NANOG: variants seen among roughly 807,000 people sequenced by gnomAD.
NANOG encodes Nanog homeobox, also known as homeobox protein NANOG.
Under a neutral mutation model 17.7 loss-of-function variants are expected in NANOG, and 2 were observed. The observed-to-expected ratio is 0.11, with a 90% confidence interval of 0.05 to 0.36. The LOEUF (loss-of-function observed/expected upper bound fraction) is 0.36, where lower values mean the gene tolerates loss of function less well. Among genes scored for constraint, NANOG ranks in the 10% least tolerant of loss-of-function variants. The probability of loss-of-function intolerance (pLI) is 1.00; values close to 1 mark genes in which losing one functional copy is unlikely to be tolerated. For missense variants in NANOG, 174 were observed against 362.1 expected (o/e 0.48, Z 4.22); for synonymous variants, 81 against 124.7 (o/e 0.65, Z 2.33).
rs1180025782 is a variant in NANOG at position 7,796,158 on chromosome 12, G to A, written c.*1063G>A. The A allele has an allele frequency of 6.6e-6, 1 of 152,206 alleles. No homozygotes were observed. Among genetic ancestry groups the A allele is most frequent in the Non-Finnish European group, 1.5e-5 (1 of 68,054 alleles). 9.4% of individuals were successfully genotyped at this position (152,206 alleles called of 1,614,324 possible). A position where few individuals can be genotyped will look rare whatever the true frequency, so the allele number is the denominator to read the frequency against. On this transcript the variant is annotated 3_prime_UTR_variant, in exon 4 of 4. Coordinates refer to ENST00000229307, the MANE Select transcript of NANOG (RefSeq NM_024865.4). The stretch of plus-strand genomic sequence containing the variant: ...GAAATAGCTGAGCGTGGTGGCCTAT[G>A]CCTGTAGTCCCAGCTATTTGGGAGG...
chr12:7,792,105 C>A (rs1169962291), intron 1 of NANOG, among the ~76,000 whole-genome samples: 1 of 152,086 alleles, frequency 6.6e-6, no homozygotes, highest in Non-Finnish European at 1.5e-5. Flanking sequence ...CATGTTGGCA[C>A]GCTGGTTTTG....
Position 7,792,965 on chromosome 12 carries a change from C to A in NANOG, c.167C>A (p.Ser56Tyr). 1.2e-6 allele frequency: 2 copies of A among 1,605,730 alleles called. No homozygotes were observed. Among genetic ancestry groups the A allele is most frequent in the Non-Finnish European group, 1.7e-6 (2 of 1,176,102 alleles). The change falls in exon 2 of 4, where the codon TCC (serine) becomes TAC (tyrosine). Residue 56 changes from serine (S) to tyrosine (Y), a missense_variant. By Grantham distance (144) the Ser-to-Tyr change is moderately radical. Around this residue, in one of 2 missense-constraint regions of NANOG, gnomAD observed 158 missense variants for 244.2 expected, o/e 0.65. Coordinates refer to ENST00000229307, the MANE Select transcript of NANOG (RefSeq NM_024865.4). ...PHTETVSPLP[S>Y]SMDLLIQDSP... ...TTCCCAACAGTCTCTCCTCTTCCTT[C>A]CTCCATGGATCTGCTTATTCAGGAC...
chr12:7,796,231 G>A lies in NANOG; in HGVS notation c.*1136G>A, dbSNP rs1222357687. On this transcript the variant is annotated 3_prime_UTR_variant, in exon 4 of 4. Coordinates refer to ENST00000229307, the MANE Select transcript of NANOG (RefSeq NM_024865.4). The stretch of plus-strand genomic sequence containing the variant: ...ACCTGGTAGGTGGAGGTTGTAGTGA[G>A]CCAATATCACACCACTGCACTCCAG... 6.6e-6 allele frequency: 1 copy of A among 152,018 alleles called. No homozygotes were observed. Among genetic ancestry groups the A allele is most frequent in the African/African-American group, 2.4e-5 (1 of 41,390 alleles). The allele number at this position is 152,018 out of a possible 1,614,324, so 9.4% of individuals were successfully genotyped here. A position where few individuals can be genotyped will look rare whatever the true frequency, so the allele number is the denominator to read the frequency against.
chr12:7,794,370 G>T, intron 2 of NANOG, 87 bp from the exon 3 acceptor site: 1 of 1,256,286 alleles, frequency 8.0e-7, no homozygotes, highest in East Asian at 2.5e-5. Flanking sequence ...ATGGCACCTG[G>T]CCAGGAATAA....
At chr12:7,791,029 A>G (rs1862833600) in intron 1 of NANOG, among the ~76,000 whole-genome samples, 1 of 151,554 alleles carries the variant, frequency 6.6e-6, no homozygotes, top group African/African-American at 2.4e-5. Context: ...ACAGGCGCTG[A>G]CCCACTCTGC....
chr12:7,791,909 A>AT (rs1196582507), intron 1 of NANOG, among the ~76,000 whole-genome samples: 1 of 151,812 alleles, frequency 6.6e-6, no homozygotes, highest in Non-Finnish European at 1.5e-5. Context: ...TTTGTTTTTT[A>AT]TTTTTTTGAG....
chr12:7,795,453 C>T lies in NANOG; in HGVS notation c.*358C>T, dbSNP rs1458135953. ...TCTCCTGCCTCAGCCTCCCGAGCAGCTGGGACTACAGGCGCCCGCCACCTC... is the reference window on the plus strand; with the variant it reads ...TCTCCTGCCTCAGCCTCCCGAGCAGTTGGGACTACAGGCGCCCGCCACCTC... On this transcript the variant is annotated 3_prime_UTR_variant, in exon 4 of 4. Transcript: ENST00000229307. 51 of 293,956 alleles carry T rather than the reference C, an allele frequency of 1.7e-4. No individual in the cohort carries two copies. The highest frequency in any genetic ancestry group is 1.7e-3 in the South Asian group (51 of 30,506). 18.2% of individuals were successfully genotyped at this position (293,956 alleles called of 1,614,324 possible). A position where few individuals can be genotyped will look rare whatever the true frequency, so the allele number is the denominator to read the frequency against.
At position 7,794,712 on chromosome 12, in the gene NANOG, T is replaced by C. The variant is rs1233043476; in HGVS notation, c.535T>C (p.Ser179Pro). ...AGCACCTACCTACCCCAGCCTTTACTCTTCCTACCACCAGGGATGCCTGGT... is the reference window on the plus strand; with the variant it reads ...AGCACCTACCTACCCCAGCCTTTACCCTTCCTACCACCAGGGATGCCTGGT... ...ASAPTYPSLYSSYHQGCLVNP... is the reference protein window; with the variant it reads ...ASAPTYPSLYPSYHQGCLVNP... Residue 179 changes from serine (S) to proline (P), a missense_variant, in exon 4 of 4, where the codon TCT (serine) becomes CCT (proline). Transcript: ENST00000229307. The C allele has an allele frequency of 6.3e-7, 1 of 1,594,040 alleles. No homozygotes were observed. Among genetic ancestry groups the C allele is most frequent in the East Asian group, 2.2e-5 (1 of 44,866 alleles).
chr12:7,790,886 G>T (rs971888716), intron 1 of NANOG, among the ~76,000 whole-genome samples: 3 of 152,028 alleles, frequency 2.0e-5, no homozygotes, highest in African/African-American at 7.2e-5. Flanking sequence ...AGGACAAGAG[G>T]CGTGTGTCAC....
chr12:7,794,684 C>T lies in NANOG; in HGVS notation c.507C>T (p.Ala169=), dbSNP rs1693401023. The T allele has an allele frequency of 3.1e-6, 5 of 1,610,640 alleles. No individual in the cohort carries two copies. The highest frequency in any genetic ancestry group is 2.7e-5 in the African/African-American group (2 of 74,910). Residue 169 remains alanine (A), a synonymous_variant, in exon 4 of 4, where the codon GCC becomes GCT. Coordinates refer to ENST00000229307, the MANE Select transcript of NANOG (RefSeq NM_024865.4). The part of the protein sequence containing the change: ...PKNSNGVTQK[A]SAPTYPSLYS... ...AATCCCTCCTTCTCTTTCAGAAGGCCTCAGCACCTACCTACCCCAGCCTTT... is the reference window on the plus strand; with the variant it reads ...AATCCCTCCTTCTCTTTCAGAAGGCTTCAGCACCTACCTACCCCAGCCTTT...
At position 7,789,695 on chromosome 12, in the gene NANOG, G is replaced by A. The variant is rs1272883396; in HGVS notation, c.81G>A (p.Val27=). The change falls in exon 1 of 4, where the codon GTG becomes GTA. Residue 27 remains valine, a synonymous_variant. Transcript: ENST00000229307. ...GTAAAGAATCTTCACCTATGCCTGT[G>A]ATTTGTGGGCCTGAAGAAAACTATC... ...SDCKESSPMP[V]ICGPEENYPS... 6.2e-7 allele frequency: 1 copy of A among 1,614,230 alleles called. No homozygotes were observed. Among genetic ancestry groups the A allele is most frequent in the African/African-American group, 1.3e-5 (1 of 75,058 alleles).
intron 1 of NANOG, 25 bp from the exon 2 acceptor site, chr12:7,792,925 G>C (rs1005490732): frequency 6.4e-7 from 1 of 1,560,516 alleles, no homozygotes; most frequent in Non-Finnish European, 8.6e-7. Context: ...TTAGACAAAA[G>C]TGTCCTTTTA....
chr12:7,795,663 A>G lies in NANOG; in HGVS notation c.*568A>G, dbSNP rs183561928. On this transcript the variant is annotated 3_prime_UTR_variant, in exon 4 of 4. Transcript: ENST00000229307. ...ATAACCTTGGCTGCCGTCTCTGGCT[A>G]TAGATAAGTAGATCTAATACTAGTT... 315 of 125,838 alleles carry G rather than the reference A, an allele frequency of 2.5e-3. 8 individuals carry two copies. Among genetic ancestry groups the G allele is most frequent in the African/African-American group, 7.9e-3 (295 of 37,570 alleles). The allele number at this position is 125,838 out of a possible 1,614,324, so 7.8% of individuals were successfully genotyped here.
intron 2 of NANOG, among the ~76,000 whole-genome samples, chr12:7,794,161 C>T (rs1290107740): frequency 6.6e-6 from 1 of 152,204 alleles, no homozygotes; most frequent in Non-Finnish European, 1.5e-5. Flanking sequence ...GCAGCCTTCA[C>T]TTCCCAGGTG....
rs2120575101 is a variant in NANOG at position 7,794,988 on chromosome 12, G to A, written c.811G>A (p.Gly271Arg). The change falls in exon 4 of 4, where the codon GGG (glycine) becomes AGG (arginine). Residue 271 changes from glycine (G) to arginine (R), a missense_variant. This residue lies in a region of NANOG where 16 missense variants were observed against 117.9 expected (regional missense o/e 0.14). Transcript: ENST00000229307. ...SDLEAALEAAGEGLNVIQQTT... is the reference protein window; with the variant it reads ...SDLEAALEAAREGLNVIQQTT... Reference sequence around the variant, plus strand: ...CTTGGAGGCTGCCTTGGAAGCTGCTGGGGAAGGCCTTAATGTAATACAGCA... The same window carrying A: ...CTTGGAGGCTGCCTTGGAAGCTGCTAGGGAAGGCCTTAATGTAATACAGCA... 7.9e-7 allele frequency: 1 copy of A among 1,260,966 alleles called. No individual in the cohort carries two copies. Among genetic ancestry groups the A allele is most frequent in the East Asian group, 2.3e-5 (1 of 43,706 alleles). 78.1% of individuals were successfully genotyped at this position (1,260,966 alleles called of 1,614,324 possible). A position where few individuals can be genotyped will look rare whatever the true frequency, so the allele number is the denominator to read the frequency against.
Position 7,798,587 on chromosome 12 carries a change from GGA to G in NANOG, c.*3497_*3498del, listed in dbSNP as rs1449603137. The G allele has an allele frequency of 6.6e-6, 1 of 151,968 alleles. No individual in the cohort carries two copies. The highest frequency in any genetic ancestry group is 1.5e-5 in the Non-Finnish European group (1 of 68,032). The allele number at this position is 151,968 out of a possible 1,614,324, so 9.4% of individuals were successfully genotyped here. ...ATTTTCATTTCAGTTTGTACCTGAA[GGA>G]GAGAAGCATGGATTGAATTTGCCTG... On this transcript the variant is annotated 3_prime_UTR_variant, in exon 4 of 4. Transcript: ENST00000229307.
chr12:7,793,166 A>G lies in NANOG; in HGVS notation c.368A>G (p.Gln123Arg). Reference sequence around the variant, plus strand: ...CAGAGACAGAAATACCTCAGCCTCCAGCAGATGCAAGAACTCTCCAACATC... The same window carrying G: ...CAGAGACAGAAATACCTCAGCCTCCGGCAGATGCAAGAACTCTCCAACATC... ...RFQRQKYLSL[Q>R]QMQELSNILN... Residue 123 changes from glutamine (Q) to arginine (R), a missense_variant, in exon 2 of 4, where the codon CAG becomes CGG. By Grantham distance (43) the Gln-to-Arg change is conservative. Transcript: ENST00000229307. 6.2e-7 allele frequency: 1 copy of G among 1,613,750 alleles called. No homozygotes were observed. The highest frequency in any genetic ancestry group is 1.7e-4 in the Middle Eastern group (1 of 6,056).
chr12:7,794,791 C>G lies in NANOG; in HGVS notation c.614C>G (p.Thr205Ser). Residue 205 changes from threonine (T) to serine (S), a missense_variant, in exon 4 of 4, where the codon ACC becomes AGC. Physicochemically the swap from Thr to Ser is moderately conservative, Grantham distance 58. Transcript: ENST00000229307. ...MWSNQTWNNSTWSNQTQNIQS... is the reference protein window; with the variant it reads ...MWSNQTWNNSSWSNQTQNIQS... ...AGCAACCAGACCTGGAACAATTCAACCTGGAGCAACCAGACCCAGAACATC... is the reference window on the plus strand; with the variant it reads ...AGCAACCAGACCTGGAACAATTCAAGCTGGAGCAACCAGACCCAGAACATC... The G allele has an allele frequency of 6.4e-7, 1 of 1,553,022 alleles. No individual in the cohort carries two copies. The highest frequency in any genetic ancestry group is 8.7e-7 in the Non-Finnish European group (1 of 1,144,792).
rs1346295600 is a variant in NANOG at position 7,796,296 on chromosome 12, TAAA to T, written c.*1202_*1204del. 4.0e-4 allele frequency: 61 copies of T among 151,818 alleles called. No individual in the cohort carries two copies. Among genetic ancestry groups the T allele is most frequent in the Admixed American group, 3.9e-3 (60 of 15,192 alleles). The allele number at this position is 151,818 out of a possible 1,614,324, so 9.4% of individuals were successfully genotyped here. On this transcript the variant is annotated 3_prime_UTR_variant, in exon 4 of 4. Transcript: ENST00000229307. ...GCAAAACTCCCATCTCAAAAATAAA[TAAA>T]TAAATAAGTAAATAAATGAATAATA...
Sources: gnomAD v4.1 joint callset for allele counts (sites outside exome capture counted in the v4.1 genomes callset) on GRCh38, gnomAD v4.1.1 for gene constraint, gnomAD v4.1.1 regional missense constraint, MANE v1.5 for transcripts, NCBI Gene and HGNC (gene_info 2026-07-23, HGNC 2026-07-21) for gene names.